The following SGK1 variants were observed in gnomAD, a reference collection of about 807,000 sequenced individuals.
SGK1 encodes serine/threonine-protein kinase Sgk1.
A neutral mutation model predicts 64.2 loss-of-function variants in SGK1; 26 were observed. That is an observed-to-expected ratio of 0.40 (90% CI 0.30 to 0.56). SGK1 has a LOEUF of 0.56. Ranked by LOEUF, SGK1 falls within the 20% of genes least tolerant of loss-of-function variation. The probability of loss-of-function intolerance (pLI) is 0.38; values close to 1 mark genes in which losing one functional copy is unlikely to be tolerated. For missense variants in SGK1, 519 were observed against 645.6 expected (o/e 0.80, Z 2.12); for synonymous variants, 265 against 239.7 (o/e 1.11, Z -0.98).
Position 134,173,164 on chromosome 6 carries a change from T to C in SGK1, c.703-10A>G, listed in dbSNP as rs747518976. On this transcript the variant is annotated splice_polypyrimidine_tract_variant and intron_variant, in intron 7 of 13. Coordinates refer to ENST00000367858, the MANE Select transcript of SGK1 (RefSeq NM_001143676.3). Reference sequence around the variant, plus strand: ...ACATAATATGCTTCTCCTAGGAAAATGACGATTCAGATTTAGTGGCATGTT... The same window carrying C: ...ACATAATATGCTTCTCCTAGGAAAACGACGATTCAGATTTAGTGGCATGTT... 1 of 1,611,388 alleles carries C rather than the reference T, an allele frequency of 6.2e-7. No homozygotes were observed. Among genetic ancestry groups the C allele is most frequent in the South Asian group, 1.1e-5 (1 of 90,958 alleles).
intron 2 of SGK1, among the ~76,000 whole-genome samples, chr6:134,216,052 A>G (rs1775976159): frequency 6.6e-6 from 1 of 152,092 alleles, no homozygotes; most frequent in Admixed American, 6.6e-5. Flanking sequence ...AACAAAATAA[A>G]TATATTCACG....
At chr6:134,289,612 T>C (rs1777233315) in intron 1 of SGK1, among the ~76,000 whole-genome samples, 1 of 152,332 alleles carries the variant, frequency 6.6e-6, no homozygotes, top group East Asian at 1.9e-4. Flanking sequence ...TCTTTTTTTT[T>C]CCATACTGTG....
intron 2 of SGK1, among the ~76,000 whole-genome samples, chr6:134,240,424 T>C (rs936443188): frequency 4.6e-5 from 7 of 151,836 alleles, no homozygotes; most frequent in Non-Finnish European, 8.8e-5. Context: ...TAGAGATGTA[T>C]AGTGAAAGAG....
chr6:134,300,229 T>C (rs184483885), intron 1 of SGK1, among the ~76,000 whole-genome samples: 85 of 151,880 alleles, frequency 5.6e-4, no homozygotes, highest in African/African-American at 2.0e-3. Flanking sequence ...AGTTAAGAGA[T>C]GAGTTAAGGT....
chr6:134,192,240 C>G (rs904791061), intron 3 of SGK1, among the ~76,000 whole-genome samples: 1 of 152,084 alleles, frequency 6.6e-6, no homozygotes, highest in African/African-American at 2.4e-5. Context: ...GCTGGGATTA[C>G]AGGCGTGGGT....
chr6:134,249,854 A>G (rs1776580463), intron 2 of SGK1, among the ~76,000 whole-genome samples: 1 of 152,246 alleles, frequency 6.6e-6, no homozygotes, highest in African/African-American at 2.4e-5. Context: ...CTGCTGATAC[A>G]TGCAATTCTA....
At chr6:134,198,186 G>A (rs747342816) in intron 3 of SGK1, among the ~76,000 whole-genome samples, 6 of 152,114 alleles carry the variant, frequency 3.9e-5, no homozygotes, top group Non-Finnish European at 8.8e-5. Flanking sequence ...TGTGTAAGAC[G>A]ATTTTATTAC....
intron 2 of SGK1, among the ~76,000 whole-genome samples, chr6:134,249,851 T>C (rs926241116): frequency 6.6e-6 from 1 of 152,228 alleles, no homozygotes; most frequent in African/African-American, 2.4e-5. Flanking sequence ...GGGCTGCTGA[T>C]ACATGCAATT....
intron 1 of SGK1, among the ~76,000 whole-genome samples, chr6:134,263,473 T>C (rs1776798989): frequency 6.6e-6 from 1 of 151,378 alleles, no homozygotes; most frequent in Non-Finnish European, 1.5e-5. Flanking sequence ...TGGGCTCAAG[T>C]GATCCTCCCG....
intron 1 of SGK1, among the ~76,000 whole-genome samples, chr6:134,314,197 G>A (rs560158154): frequency 9.8e-4 from 145 of 148,656 alleles, no homozygotes; most frequent in African/African-American, 3.2e-3. Context: ...ACTAGCATCC[G>A]GACTGTCTTT....
At chr6:134,183,858 C>G (rs1775375337) in intron 3 of SGK1, among the ~76,000 whole-genome samples, 1 of 134,564 alleles carries the variant, frequency 7.4e-6, no homozygotes, top group Non-Finnish European at 1.6e-5. Flanking sequence ...ACCCCACCCC[C>G]ACCCCCCACC....
intron 2 of SGK1, among the ~76,000 whole-genome samples, chr6:134,237,155 A>G (rs1456583363): frequency 1.3e-5 from 2 of 151,054 alleles, no homozygotes; most frequent in African/African-American, 2.4e-5. Context: ...CTGGGGCTCA[A>G]GCGATCCTCC....
intron 2 of SGK1, among the ~76,000 whole-genome samples, chr6:134,236,050 C>A (rs535773945): frequency 1.2e-3 from 186 of 152,104 alleles, no homozygotes; most frequent in African/African-American, 4.2e-3. Flanking sequence ...GGTGAGGTCC[C>A]TTAGTTGGTA....
intron 1 of SGK1, among the ~76,000 whole-genome samples, chr6:134,273,815 T>A (rs940868059): frequency 3.6e-4 from 55 of 151,614 alleles, no homozygotes; most frequent in Non-Finnish European, 5.4e-4. Context: ...AAGTATTTAT[T>A]TTTATTTATT....
At chr6:134,260,441 G>T (rs1206925527) in intron 2 of SGK1, 1 of 140,524 alleles carries the variant, frequency 7.1e-6, no homozygotes, top group Non-Finnish European at 1.5e-5. Flanking sequence ...GAAAGCCGAC[G>T]CAGGTGGATT....
At chr6:134,200,175 C>G (rs989383318) in intron 3 of SGK1, among the ~76,000 whole-genome samples, 3 of 152,220 alleles carry the variant, frequency 2.0e-5, no homozygotes, top group Non-Finnish European at 2.9e-5. Context: ...AGAACCTAAA[C>G]TTGTGCAGCC....
intron 2 of SGK1, among the ~76,000 whole-genome samples, chr6:134,256,456 A>T (rs1282628926): frequency 6.6e-6 from 1 of 152,056 alleles, no homozygotes; most frequent in African/African-American, 2.4e-5. Flanking sequence ...TCTTGATACG[A>T]TCCTATGTTT....
At chr6:134,251,066 T>G (rs1388470791) in intron 2 of SGK1, among the ~76,000 whole-genome samples, 5 of 152,190 alleles carry the variant, frequency 3.3e-5, no homozygotes, top group South Asian at 2.1e-4. Flanking sequence ...TGTGAGCCAT[T>G]GCACCCAGCC....
At chr6:134,310,719 C>G (rs985870846) in intron 1 of SGK1, among the ~76,000 whole-genome samples, 2 of 152,260 alleles carry the variant, frequency 1.3e-5, no homozygotes, top group African/African-American at 4.8e-5. Flanking sequence ...TCCTGAGAAG[C>G]TGGGATTACA....
Sources: gnomAD v4.1 joint callset for allele counts (sites outside exome capture counted in the v4.1 genomes callset) on GRCh38, gnomAD v4.1.1 for gene constraint, MANE v1.5 for transcripts, NCBI Gene and HGNC (gene_info 2026-07-23, HGNC 2026-07-21) for gene names.